DIAPH2: variants seen among roughly 807,000 people sequenced by gnomAD.
DIAPH2 encodes protein diaphanous homolog 2.
Under a neutral mutation model 92.7 loss-of-function variants are expected in DIAPH2, and 35 were observed. That is an observed-to-expected ratio of 0.38 (90% CI 0.29 to 0.50). DIAPH2 has a LOEUF of 0.50. Ranked by LOEUF, DIAPH2 falls within the 20% of genes least tolerant of loss-of-function variation. DIAPH2 has a pLI of 0.94. For missense variants in DIAPH2, 701 were observed against 819.5 expected (o/e 0.86, Z 1.77); for synonymous variants, 301 against 280.4 (o/e 1.07, Z -0.73).
chrX:96,745,077 G>A (rs2064142363), intron 3 of DIAPH2, among the ~76,000 whole-genome samples: 1 of 108,689 alleles, frequency 9.2e-6, no homozygotes, highest in Non-Finnish European at 1.9e-5. Context: ...CGCGATCTTG[G>A]TTCATTGCAA....
intron 26 of DIAPH2, among the ~76,000 whole-genome samples, chrX:97,460,842 A>G (rs2077350026): frequency 8.9e-6 from 1 of 112,210 alleles, no homozygotes; most frequent in Admixed American, 9.5e-5. Context: ...GATGGTAAGT[A>G]GAAGTGAAGG....
intron 4 of DIAPH2, among the ~76,000 whole-genome samples, chrX:96,872,785 C>T (rs909412831): frequency 9.0e-6 from 1 of 111,264 alleles, no homozygotes; most frequent in Non-Finnish European, 1.9e-5. Context: ...TGAGCCACCA[C>T]GCCTGGCCCC....
At chrX:96,975,464 G>A (rs1444157273) in intron 17 of DIAPH2, among the ~76,000 whole-genome samples, 1 of 111,805 alleles carries the variant, frequency 8.9e-6, no homozygotes, top group East Asian at 2.8e-4. Flanking sequence ...GAGAGAGTTC[G>A]TGTCCTAACA....
intron 7 of DIAPH2, among the ~76,000 whole-genome samples, chrX:96,912,797 G>T (rs2065477045): frequency 9.1e-6 from 1 of 109,821 alleles, no homozygotes; most frequent in African/African-American, 3.3e-5. Context: ...TTTTACTTAT[G>T]TTTCTGCTGT....
chrX:97,499,009 A>G (rs1214230966), intron 26 of DIAPH2, among the ~76,000 whole-genome samples: 3 of 111,453 alleles, frequency 2.7e-5, no homozygotes, highest in African/African-American at 9.8e-5. Flanking sequence ...ATAGCCAGCT[A>G]TCTGTCTGCA....
At chrX:96,741,297 C>G (rs893312035) in intron 3 of DIAPH2, among the ~76,000 whole-genome samples, 1 of 108,229 alleles carries the variant, frequency 9.2e-6, no homozygotes, top group Non-Finnish European at 1.9e-5. Flanking sequence ...AAGCAAAGCA[C>G]CTCACAATAT....
At chrX:96,813,903 T>G (rs1400365537) in intron 4 of DIAPH2, among the ~76,000 whole-genome samples, 1 of 112,317 alleles carries the variant, frequency 8.9e-6, no homozygotes, top group Non-Finnish European at 1.9e-5. Context: ...ACTGTCAGTC[T>G]GATGGGCTTC....
At chrX:97,031,974 C>T (rs2066378523) in intron 17 of DIAPH2, among the ~76,000 whole-genome samples, 1 of 111,650 alleles carries the variant, frequency 9.0e-6, no homozygotes, top group African/African-American at 3.3e-5. Context: ...TTTCAAGAAA[C>T]TCTAAGTTGT....
At chrX:97,240,346 C>T (rs752614707) in intron 22 of DIAPH2, among the ~76,000 whole-genome samples, 1 of 111,408 alleles carries the variant, frequency 9.0e-6, no homozygotes, top group South Asian at 3.8e-4. Flanking sequence ...GTGGCTCGCG[C>T]CTGTAATCCC....
At chrX:96,836,972 C>T (rs2064899219) in intron 4 of DIAPH2, among the ~76,000 whole-genome samples, 1 of 105,861 alleles carries the variant, frequency 9.4e-6, no homozygotes, top group African/African-American at 3.5e-5. Context: ...CGTGATCCGC[C>T]CGCCTCAGCC....
At chrX:97,440,636 A>G (rs751251452) in intron 26 of DIAPH2, among the ~76,000 whole-genome samples, 1 of 107,827 alleles carries the variant, frequency 9.3e-6, no homozygotes, top group Non-Finnish European at 1.9e-5. Flanking sequence ...GTGTGAAGGT[A>G]TTGATTATGG....
intron 9 of DIAPH2, among the ~76,000 whole-genome samples, chrX:96,929,876 G>T (rs2147793017): frequency 9.1e-6 from 1 of 110,421 alleles, no homozygotes; most frequent in Non-Finnish European, 1.9e-5. Flanking sequence ...AGTTACCTTA[G>T]ATTTGAGCAG....
rs777148590 is a variant in DIAPH2, at chrX:97,267,320, G to T, written c.2844+19481G>T. 2.7e-5 allele frequency among the ~76,000 whole-genome samples: 3 copies of T among 111,692 alleles called. No homozygotes were observed. In the East Asian group the frequency reaches 8.4e-4, roughly 31 times the overall value. On this transcript the variant is annotated intron_variant, in intron 23 of 26. Coordinates refer to ENST00000324765, the MANE Select transcript of DIAPH2 (RefSeq NM_006729.5). ...TAGATATTGCTGTAAATGTTGCTTA[G>T]CTTTGCCATCTGTCACATACTCTTT...
intron 21 of DIAPH2, 111 bp downstream of exon 21, chrX:97,115,076 G>C (rs1254032059): frequency 1.6e-5 from 12 of 747,038 alleles, no homozygotes; most frequent in Non-Finnish European, 2.2e-5. Flanking sequence ...GCTTAAAAAG[G>C]GTGAATTTTC....
intron 26 of DIAPH2, among the ~76,000 whole-genome samples, chrX:97,486,134 G>A (rs1034394319): frequency 1.8e-5 from 2 of 110,548 alleles, no homozygotes; most frequent in African/African-American, 3.3e-5. Context: ...TAAGATACCC[G>A]GTGTAATTTA....
intron 17 of DIAPH2, among the ~76,000 whole-genome samples, chrX:97,063,917 ATT>A (rs777098397): frequency 1.2e-4 from 13 of 112,108 alleles, no homozygotes; most frequent in Non-Finnish European, 2.4e-4. Flanking sequence ...TTCCATCCTT[ATT>A]TGTTTACTTA....
intron 3 of DIAPH2, among the ~76,000 whole-genome samples, chrX:96,746,231 G>A (rs866051769): frequency 6.0e-4 from 67 of 112,026 alleles, no homozygotes; most frequent in Middle Eastern, 9.3e-3. Flanking sequence ...TTATTTTATA[G>A]AATATAAGCT....
chrX:97,164,923 G>A (rs1286471124), intron 22 of DIAPH2, among the ~76,000 whole-genome samples: 1 of 112,486 alleles, frequency 8.9e-6, no homozygotes, highest in Non-Finnish European at 1.9e-5. Context: ...ATGGAAAACT[G>A]CAACAGAAGA....
Position 96,884,750 on chromosome X carries a change from T to G in DIAPH2, c.587+3032T>G, listed in dbSNP as rs2065247228. 1.7e-6 allele frequency: 2 copies of G among 1,207,485 alleles called. No individual in the cohort carries two copies. The highest frequency in any genetic ancestry group is 4.4e-5 in the Admixed American group (2 of 45,505). ...AGCCTTGAGGTATTGAAAATTCATG[T>G]CCTAGAGGACATGAACGAGTTCACC... On this transcript the variant is annotated intron_variant, in intron 5 of 26. Coordinates refer to ENST00000324765, the MANE Select transcript of DIAPH2 (RefSeq NM_006729.5).
Sources: allele counts gnomAD v4.1 joint callset (sites outside exome capture counted in the v4.1 genomes callset), GRCh38; gene constraint gnomAD v4.1.1; transcripts MANE v1.5; gene names NCBI Gene and HGNC (gene_info 2026-07-23, HGNC 2026-07-21).